Variants in AHNAK2 observed in about 807,000 individuals in gnomAD.
AHNAK2 encodes AHNAK nucleoprotein 2, also known as protein AHNAK2.
In AHNAK2, 18 loss-of-function variants were observed where a neutral mutation model predicts 30.7. That is an observed-to-expected ratio of 0.59 (90% CI 0.41 to 0.87). The LOEUF (loss-of-function observed/expected upper bound fraction) is 0.87, where lower values mean the gene tolerates loss of function less well. Ranked by LOEUF, AHNAK2 falls within the 40% of genes least tolerant of loss-of-function variation. AHNAK2 has a pLI of 0.00. For missense variants in AHNAK2, 8,604 were observed against 7,373.0 expected (o/e 1.17, Z -6.11); for synonymous variants, 3,590 against 3,073.8 (o/e 1.17, Z -5.56).
intron 1 of AHNAK2, among the ~76,000 whole-genome samples, chr14:104,962,516 C>T (rs528739768): frequency 6.6e-6 from 1 of 152,318 alleles, no homozygotes; most frequent in Non-Finnish European, 1.5e-5. Flanking sequence ...ACTTCTGCCT[C>T]CTGGGTTCAA....
chr14:104,959,994 C>T (rs1473501868), intron 1 of AHNAK2, among the ~76,000 whole-genome samples: 1 of 152,174 alleles, frequency 6.6e-6, no homozygotes, highest in African/African-American at 2.4e-5. Context: ...TCTGTTGCAA[C>T]TCTGCAGCCA....
At position 104,951,008 on chromosome 14, in the gene AHNAK2, C is replaced by T. The variant is rs549264262; in HGVS notation, c.4443G>A (p.Leu1481=). ...DGGRLEEDMS[L]ADKDLTTKDS... is the part of the protein sequence containing the mutation. ...CTTTGGTAGTCAAGTCCTTGTCGGC[C>T]AGGGACATGTCCTCCTCCAGCCGTC... Residue 1481 remains leucine (L), a synonymous_variant, in exon 7 of 7, where the codon CTG becomes CTA. Coordinates refer to ENST00000333244, the MANE Select transcript of AHNAK2 (RefSeq NM_138420.4). 173 of 1,064,112 alleles carry T rather than the reference C, an allele frequency of 1.6e-4. 59 individuals carry two copies. In the South Asian group the frequency reaches 2.0e-3, roughly 12 times the overall value. 65.9% of individuals were successfully genotyped at this position (1,064,112 alleles called of 1,614,324 possible).
intron 4 of AHNAK2, 53 bp downstream of exon 4, chr14:104,956,535 G>A (rs1898979063): frequency 1.3e-6 from 2 of 1,580,666 alleles, no homozygotes; most frequent in Admixed American, 1.7e-5. Context: ...TCTCTGGCTG[G>A]ATCCCTTGAG....
At chr14:104,955,383 T>G in intron 5 of AHNAK2, 100 bp downstream of exon 5, 2 of 1,485,078 alleles carry the variant, frequency 1.3e-6, no homozygotes, top group South Asian at 2.7e-5. Flanking sequence ...GAGGTCATCC[T>G]AAGCTCCAGG....
chr14:104,948,780 C>T lies in AHNAK2; in HGVS notation c.6671G>A (p.Gly2224Asp). The change falls in exon 7 of 7, where the codon GGC becomes GAC. Residue 2224 changes from glycine (G) to aspartate (D), a missense_variant. Gly to Asp is a moderately conservative substitution (Grantham distance 94). Coordinates refer to ENST00000333244, the MANE Select transcript of AHNAK2 (RefSeq NM_138420.4). ...GAGGCCGACTTCCTCGGGCACAGGG[C>T]CCTCCAGGAGTTTCACGTCCACCTG... ...AGQVDVKLLEGPVPEEVGLKG... is the reference protein window; with the variant it reads ...AGQVDVKLLEDPVPEEVGLKG... 1 of 1,612,244 alleles carries T rather than the reference C, an allele frequency of 6.2e-7. No homozygotes were observed. The highest frequency in any genetic ancestry group is 8.5e-7 in the Non-Finnish European group (1 of 1,179,626).
chr14:104,957,282 CTGAG>C (rs1299542689), intron 3 of AHNAK2, 124 bp downstream of exon 3: 2 of 855,788 alleles, frequency 2.3e-6, no homozygotes, highest in Non-Finnish European at 3.5e-6. Flanking sequence ...GAGAGGACAT[CTGAG>C]TGGGCACTGC....
rs1462324299 is a variant in AHNAK2 at position 104,952,061 on chromosome 14, C to T, written c.3390G>A (p.Glu1130=). The change falls in exon 7 of 7, where the codon GAG becomes GAA. Residue 1130 remains glutamate (E), a synonymous_variant. Transcript: ENST00000333244. Reference sequence around the variant, plus strand: ...TGGCTCCCGGGGCCTCGACGTCCACCTCCACGCTGGGCAGAGACACCTCCA... The same window carrying T: ...TGGCTCCCGGGGCCTCGACGTCCACTTCCACGCTGGGCAGAGACACCTCCA... ...PDVEVSLPSV[E]VDVEAPGAKL... The T allele has an allele frequency of 2.5e-6, 4 of 1,612,746 alleles. No individual in the cohort carries two copies. The highest frequency in any genetic ancestry group is 4.5e-5 in the East Asian group (2 of 44,824).
rs1218369337 is a variant in AHNAK2 at position 104,940,285 on chromosome 14, C to A, written c.15166G>T (p.Gly5056Cys). Residue 5056 changes from glycine to cysteine, a missense_variant, in exon 7 of 7, where the codon GGT becomes TGT. Coordinates refer to ENST00000333244, the MANE Select transcript of AHNAK2 (RefSeq NM_138420.4). The surrounding 1 kb of genome is among the most constrained non-coding windows in gnomAD (Gnocchi z 4.4). ...GCCTTTTCTGTGTCTTGAAAGCTACCCCCTGCTGTGGCACTAGAAAGGGAA... is the reference window on the plus strand; with the variant it reads ...GCCTTTTCTGTGTCTTGAAAGCTACACCCTGCTGTGGCACTAGAAAGGGAA... ...DPSLSSATAG[G>C]SFQDTEKASS... The A allele has an allele frequency of 6.2e-7, 1 of 1,613,724 alleles. No homozygotes were observed. Among genetic ancestry groups the A allele is most frequent in the South Asian group, 1.1e-5 (1 of 91,074 alleles).
Position 104,957,692 on chromosome 14 carries a change from C to A in AHNAK2, c.56-20G>T. On this transcript the variant is annotated intron_variant, in intron 1 of 6. Transcript: ENST00000333244. The stretch of plus-strand genomic sequence containing the variant: ...CGGACACTGCAGAGAGAGTGGCTGT[C>A]AGTGGAGACAAGCAGGCTGGGGGAG... 6.2e-7 allele frequency: 1 copy of A among 1,604,698 alleles called. No individual in the cohort carries two copies. The highest frequency in any genetic ancestry group is 1.1e-5 in the South Asian group (1 of 89,466).
intron 1 of AHNAK2, among the ~76,000 whole-genome samples, chr14:104,974,390 G>A (rs1899547866): frequency 6.6e-6 from 1 of 152,258 alleles, no homozygotes; most frequent in African/African-American, 2.4e-5. Flanking sequence ...TCCAGCAGCT[G>A]ACGCTGCCAC....
At position 104,944,283 on chromosome 14, in the gene AHNAK2, T is replaced by G. The variant is rs781211455; in HGVS notation, c.11168A>C (p.Lys3723Thr). Residue 3723 changes from lysine to threonine, a missense_variant, in exon 7 of 7, where the codon AAG (lysine) becomes ACG (threonine). Transcript: ENST00000333244. ...EGAGLKEHLP[K>T]VEMPSLKMPK... ...CATCTTCAAACTGGGCATCTCCACC[T>G]TGGGCAGGTGCTCTTTGAGGCCGGC... 10 of 1,612,722 alleles carry G rather than the reference T, an allele frequency of 6.2e-6. No homozygotes were observed. The Middle Eastern group carries it at 6.6e-4, about 106-fold the overall frequency.
rs758070851 is a variant in AHNAK2 at position 104,941,939 on chromosome 14, C to T, written c.13512G>A (p.Gly4504=). 1.2e-5 allele frequency: 19 copies of T among 1,613,456 alleles called. No homozygotes were observed. Among genetic ancestry groups the T allele is most frequent in the Non-Finnish European group, 1.6e-5 (19 of 1,179,696 alleles). The change falls in exon 7 of 7, where the codon GGG becomes GGA. Residue 4504 remains glycine (G), a synonymous_variant. Coordinates refer to ENST00000333244, the MANE Select transcript of AHNAK2 (RefSeq NM_138420.4). Reference sequence around the variant, plus strand: ...TGCGGAGGTCAGTGGTCTTGAGGTCCCCCTGCATGGAGGGAATGCTCATGT... The same window carrying T: ...TGCGGAGGTCAGTGGTCTTGAGGTCTCCCTGCATGGAGGGAATGCTCATGT... The part of the protein sequence containing the change: ...EADMSIPSMQ[G]DLKTTDLRIQ...
rs769558960 is a variant in AHNAK2 at position 104,938,334 on chromosome 14, G to C, written c.17117C>G (p.Ser5706Ter). ...WFRFPKLGFSSSPTKKSKSTE... is the reference protein window; with the variant it reads ...WFRFPKLGFS The stretch of plus-strand genomic sequence containing the variant: ...GCTTTTGCTTTTCTTGGTAGGAGAT[G>C]AGGAGAACCCTAATTTGGGAAATCG... Residue 5706 changes from serine to a stop codon, truncating the protein, a stop_gained, in exon 7 of 7, where the codon TCA (serine) becomes TGA (stop). Coordinates refer to ENST00000333244, the MANE Select transcript of AHNAK2 (RefSeq NM_138420.4). LOFTEE classifies it low-confidence loss of function (END_TRUNC). 1 of 1,613,950 alleles carries C rather than the reference G, an allele frequency of 6.2e-7. No homozygotes were observed. The highest frequency in any genetic ancestry group is 1.7e-5 in the Admixed American group (1 of 60,022).
rs1285229047 is a variant in AHNAK2, at chr14:104,940,322, T to C, written c.15129A>G (p.Arg5043=). ...ASKSGVSLPQ[R]DVDPSLSSAT... ...CACTAGAAAGGGAAGGATCCACGTC[T>C]CTCTGTGGCAGGCTGACCCCACTCT... The change falls in exon 7 of 7, where the codon AGA becomes AGG. Residue 5043 remains arginine, a synonymous_variant. Transcript: ENST00000333244. This position sits in a 1 kb window ranked among gnomAD's most constrained non-coding sequence, Gnocchi z 4.4. The C allele has an allele frequency of 6.2e-7, 1 of 1,613,680 alleles. No individual in the cohort carries two copies. Among genetic ancestry groups the C allele is most frequent in the African/African-American group, 1.3e-5 (1 of 74,902 alleles).
rs780363620 is a variant in AHNAK2, at chr14:104,949,765, C to A, written c.5686G>T (p.Val1896Leu). The stretch of plus-strand genomic sequence containing the variant: ...CCTTTGAGGCCGGCTCCCTCGGGCA[C>A]CTGGCCCTCCGGGAGCTTCATGTCC... ...QVDMKLPEGQVPEGAGLKGHL... is the reference protein window; with the variant it reads ...QVDMKLPEGQLPEGAGLKGHL... The change falls in exon 7 of 7, where the codon GTG (valine) becomes TTG (leucine). Residue 1896 changes from valine to leucine, a missense_variant. Physicochemically the swap from Val to Leu is conservative, Grantham distance 32 (BLOSUM62 1). Transcript: ENST00000333244. 62 of 1,586,176 alleles carry A rather than the reference C, an allele frequency of 3.9e-5. 8 individuals carry two copies. Among genetic ancestry groups the A allele is most frequent in the African/African-American group, 5.5e-5 (4 of 72,268 alleles).
Position 104,954,811 on chromosome 14 carries a change from G to A in AHNAK2, c.652-12C>T. ...GCAACATCCGTGTCCTGAAACATAG[G>A]GAGAGGGAATCTGTTGGTGCCAGTC... On this transcript the variant is annotated splice_polypyrimidine_tract_variant and intron_variant, in intron 6 of 6. Transcript: ENST00000333244. This position sits in a 1 kb window ranked among gnomAD's most constrained non-coding sequence, Gnocchi z 4.3. 1 of 1,550,100 alleles carries A rather than the reference G, an allele frequency of 6.5e-7. No homozygotes were observed. Among genetic ancestry groups the A allele is most frequent in the East Asian group, 2.3e-5 (1 of 44,288 alleles).
chr14:104,954,591 G>A lies in AHNAK2; in HGVS notation c.860C>T (p.Pro287Leu), dbSNP rs267603897. The A allele has an allele frequency of 1.9e-6, 3 of 1,609,922 alleles. No individual in the cohort carries two copies. Among genetic ancestry groups the A allele is most frequent in the South Asian group, 1.1e-5 (1 of 90,742 alleles). The change falls in exon 7 of 7, where the codon CCT (proline) becomes CTT (leucine). Residue 287 changes from proline to leucine, a missense_variant. By Grantham distance (98) the Pro-to-Leu change is moderately conservative. Coordinates refer to ENST00000333244, the MANE Select transcript of AHNAK2 (RefSeq NM_138420.4). This position sits in a 1 kb window ranked among gnomAD's most constrained non-coding sequence, Gnocchi z 4.3. Reference protein sequence around the residue: ...RSHSSSEAYEPRDAHDVSPTS... With the variant: ...RSHSSSEAYELRDAHDVSPTS... ...AGGGGACACGTCATGTGCGTCCCTA[G>A]GTTCGTAGGCCTCTGACGAGCTGTG...
Position 104,943,095 on chromosome 14 carries a change from A to T in AHNAK2, c.12356T>A (p.Leu4119Gln). ...KLDGVQLEGD[L>Q]SLADKDVTAK... ...AGTCACATCCTTGTCGGCCAGGGACAGGTCCCCCTCCAGCTGCACACCATC... is the reference window on the plus strand; with the variant it reads ...AGTCACATCCTTGTCGGCCAGGGACTGGTCCCCCTCCAGCTGCACACCATC... Residue 4119 changes from leucine (L) to glutamine (Q), a missense_variant, in exon 7 of 7, where the codon CTG becomes CAG. Transcript: ENST00000333244. 1 of 1,613,156 alleles carries T rather than the reference A, an allele frequency of 6.2e-7. No homozygotes were observed. The highest frequency in any genetic ancestry group is 1.1e-5 in the South Asian group (1 of 91,034).
chr14:104,958,398 A>G (rs1206841051), intron 1 of AHNAK2, among the ~76,000 whole-genome samples: 1 of 152,154 alleles, frequency 6.6e-6, no homozygotes, highest in African/African-American at 2.4e-5. Context: ...TGGTGAGCCG[A>G]GATTGTGCCA....
Sources: allele counts gnomAD v4.1 joint callset (sites outside exome capture counted in the v4.1 genomes callset), GRCh38; gene constraint gnomAD v4.1.1; non-coding constraint Gnocchi (gnomAD v3.1); transcripts MANE v1.5; gene names NCBI Gene and HGNC (gene_info 2026-07-23, HGNC 2026-07-21).